Variants in PTPRD observed in about 807,000 individuals in gnomAD.
PTPRD encodes receptor-type tyrosine-protein phosphatase delta.
PTPRD carries 34 observed loss-of-function variants against 214.5 expected under a neutral mutation model. The ratio of observed to expected loss-of-function variants is 0.16; its 90% CI spans 0.12 to 0.21. The LOEUF (loss-of-function observed/expected upper bound fraction) is 0.21, where lower values mean the gene tolerates loss of function less well. PTPRD is among the 10% of genes least tolerant of loss of function. The probability of loss-of-function intolerance (pLI) is 1.00; values close to 1 mark genes in which losing one functional copy is unlikely to be tolerated. For missense variants in PTPRD, 2,545 were observed against 2,398.7 expected (o/e 1.06, Z -1.27); for synonymous variants, 1,128 against 845.7 (o/e 1.33, Z -5.79).
intron 8 of PTPRD, among the ~76,000 whole-genome samples, chr9:9,545,939 C>T (rs2078691748): frequency 6.6e-6 from 1 of 151,654 alleles, no homozygotes; most frequent in African/African-American, 2.4e-5. Flanking sequence ...GGAATATCTT[C>T]CCACTTTTTA....
intron 2 of PTPRD, among the ~76,000 whole-genome samples, chr9:10,535,144 T>G (rs1010889236): frequency 2.6e-5 from 4 of 152,126 alleles, no homozygotes; most frequent in African/African-American, 7.2e-5. Context: ...GCTTGTTTTA[T>G]GGAGAATATG....
intron 9 of PTPRD, among the ~76,000 whole-genome samples, chr9:9,230,162 C>G (rs2099962189): frequency 6.6e-6 from 1 of 151,972 alleles, no homozygotes; most frequent in Non-Finnish European, 1.5e-5. Flanking sequence ...TGAGTTTATG[C>G]TAATGAGACA....
chr9:9,583,162 C>G (rs652565), intron 7 of PTPRD, among the ~76,000 whole-genome samples: 52,480 of 151,500 alleles, frequency 0.35, 9,474 homozygotes, highest in African/African-American at 0.42. Flanking sequence ...TCTAAATAAA[C>G]TTTCATACTC....
At chr9:9,037,044 TA>T (rs1167953852) in intron 10 of PTPRD, among the ~76,000 whole-genome samples, 1 of 151,420 alleles carries the variant, frequency 6.6e-6, no homozygotes, top group Non-Finnish European at 1.5e-5. Flanking sequence ...GGGTTAAAAA[TA>T]AAATTTCATC....
At chr9:8,934,695 A>G (rs1210975287) in intron 11 of PTPRD, among the ~76,000 whole-genome samples, 3 of 150,032 alleles carry the variant, frequency 2.0e-5, no homozygotes, top group African/African-American at 7.4e-5. Context: ...TCGCCATGCT[A>G]TACATGAGAT....
intron 8 of PTPRD, among the ~76,000 whole-genome samples, chr9:9,408,176 C>G (rs543153418): frequency 2.3e-4 from 35 of 151,858 alleles, no homozygotes; most frequent in African/African-American, 8.4e-4. Context: ...CTTCTCACAA[C>G]TTTGTTTTTG....
At position 8,436,684 on chromosome 9, in the gene PTPRD, C is replaced by A. The variant is rs1294993838; in HGVS notation, c.3994G>T (p.Ala1332Ser). ...AAGATGGGTATTGGAGGATGGCTAG[C>A]CATACCTATTGAAAAAAGCAAAGAA... is the stretch of plus-strand genomic sequence containing the variant. The part of the protein sequence containing the change: ...RRLNFQTPGM[A>S]SHPPIPILEL... The change falls in exon 35 of 46, where the codon GCT (alanine) becomes TCT (serine). Residue 1332 changes from alanine to serine, a missense_variant. Ala to Ser is a moderately conservative substitution (Grantham distance 99, BLOSUM62 1). Transcript: ENST00000381196. The A allele has an allele frequency of 1.2e-6, 2 of 1,611,234 alleles. No homozygotes were observed. The highest frequency in any genetic ancestry group is 1.7e-5 in the Admixed American group (1 of 59,860).
intron 10 of PTPRD, among the ~76,000 whole-genome samples, chr9:9,033,523 T>G (rs1312949173): frequency 1.3e-5 from 2 of 152,118 alleles, no homozygotes; most frequent in Non-Finnish European, 2.9e-5. Flanking sequence ...CCACATGAGA[T>G]TCTATAAAAG....
chr9:10,457,386 G>A (rs76628221), intron 2 of PTPRD, among the ~76,000 whole-genome samples: 3 of 151,972 alleles, frequency 2.0e-5, no homozygotes, highest in African/African-American at 7.2e-5. Flanking sequence ...TCCTGCTCAT[G>A]ACTTTATATT....
At chr9:8,346,214 C>G (rs772977146) in intron 39 of PTPRD, among the ~76,000 whole-genome samples, 5 of 151,966 alleles carry the variant, frequency 3.3e-5, no homozygotes, top group Non-Finnish European at 7.4e-5. Context: ...TCAAACTCCA[C>G]GATTATCTTC....
chr9:9,278,552 G>C (rs1946492984), intron 9 of PTPRD, among the ~76,000 whole-genome samples: 2 of 151,192 alleles, frequency 1.3e-5, no homozygotes, highest in South Asian at 2.1e-4. Flanking sequence ...GAGGGATTTG[G>C]GAAAAGTTAA....
intron 28 of PTPRD, 144 bp downstream of exon 28, chr9:8,485,618 A>G (rs1375615869): frequency 9.3e-6 from 7 of 753,738 alleles, no homozygotes; most frequent in South Asian, 1.9e-5. Flanking sequence ...TCCAAGACGT[A>G]GTAAGTTTTA....
intron 9 of PTPRD, among the ~76,000 whole-genome samples, chr9:9,226,331 G>C (rs1207193343): frequency 6.6e-6 from 1 of 151,788 alleles, no homozygotes; most frequent in South Asian, 2.1e-4. Context: ...AATATCAGGG[G>C]ATTAAAGCAA....
intron 11 of PTPRD, among the ~76,000 whole-genome samples, chr9:8,852,378 G>A (rs747847536): frequency 1.3e-5 from 2 of 152,192 alleles, no homozygotes; most frequent in East Asian, 3.8e-4. Context: ...TCCTGACATT[G>A]TTATCTGAAT....
chr9:9,436,018 C>A (rs2085100229), intron 8 of PTPRD, among the ~76,000 whole-genome samples: 2 of 152,122 alleles, frequency 1.3e-5, no homozygotes, highest in Non-Finnish European at 2.9e-5. Flanking sequence ...TAGATATATA[C>A]CCTGACCTCA....
chr9:9,225,916 C>G (rs1231706935), intron 9 of PTPRD, among the ~76,000 whole-genome samples: 1 of 151,916 alleles, frequency 6.6e-6, no homozygotes, highest in Non-Finnish European at 1.5e-5. Flanking sequence ...ATGAATACCT[C>G]CTCTTCTTCA....
intron 11 of PTPRD, among the ~76,000 whole-genome samples, chr9:8,856,518 G>C (rs2097918299): frequency 6.6e-6 from 1 of 152,010 alleles, no homozygotes; most frequent in African/African-American, 2.4e-5. Flanking sequence ...TAAGTCACTG[G>C]CACTGTGTCT....
chr9:9,942,208 A>G (rs1375231245), intron 4 of PTPRD, among the ~76,000 whole-genome samples: 3 of 152,084 alleles, frequency 2.0e-5, no homozygotes, highest in Non-Finnish European at 2.9e-5. Flanking sequence ...AACGAATACA[A>G]CCATACATAT....
At chr9:10,405,358 C>T (rs933779765) in intron 2 of PTPRD, among the ~76,000 whole-genome samples, 2 of 151,574 alleles carry the variant, frequency 1.3e-5, no homozygotes, top group African/African-American at 2.4e-5. Context: ...GGAATTTTTA[C>T]TTATATTTTC....
Sources: gnomAD v4.1 joint callset for allele counts (sites outside exome capture counted in the v4.1 genomes callset) on GRCh38, gnomAD v4.1.1 for gene constraint, MANE v1.5 for transcripts, NCBI Gene and HGNC (gene_info 2026-07-23, HGNC 2026-07-21) for gene names.